ANKRD50: variants seen among roughly 807,000 people sequenced by gnomAD.
The protein encoded by ANKRD50 is ankyrin repeat domain 50, also known as ankyrin repeat domain-containing protein 50.
ANKRD50 carries 40 observed loss-of-function variants against 112.0 expected under a neutral mutation model. That is an observed-to-expected ratio of 0.36 (90% CI 0.28 to 0.46). The LOEUF is 0.46. Among genes scored for constraint, ANKRD50 ranks in the 20% least tolerant of loss-of-function variants. The pLI, the probability that ANKRD50 is intolerant of heterozygous loss-of-function variation, is 1.00. For missense variants in ANKRD50, 1,487 were observed against 1,701.7 expected (o/e 0.87, Z 2.22); for synonymous variants, 613 against 619.1 (o/e 0.99, Z 0.15).
In ANKRD50 at chr4:124,681,145, T is replaced by A. The variant is rs545205535; in HGVS notation, c.513-2240A>T. 1.3e-4 allele frequency among the ~76,000 whole-genome samples: 19 copies of A among 151,948 alleles called. No homozygotes were observed. In the South Asian group the frequency reaches 3.9e-3, roughly 32 times the overall value. ...GAGATATGAGGCCAATGCTTAGAAC[T>A]TAGAAAAAAAAATCTCCATCCAGAA... is the stretch of plus-strand genomic sequence containing the variant. On this transcript the variant is annotated intron_variant, in intron 2 of 4. Coordinates refer to ENST00000504087, the MANE Select transcript of ANKRD50 (RefSeq NM_020337.3).
At chr4:124,701,439 ATTC>A (rs1725388217) in intron 2 of ANKRD50, among the ~76,000 whole-genome samples, 1 of 152,228 alleles carries the variant, frequency 6.6e-6, no homozygotes, top group Admixed American at 6.5e-5. Context: ...GGAATATGTA[ATTC>A]TTCTTAATAC....
At chr4:124,689,449 G>A (rs1725082315) in intron 2 of ANKRD50, among the ~76,000 whole-genome samples, 1 of 152,186 alleles carries the variant, frequency 6.6e-6, no homozygotes, top group African/African-American at 2.4e-5. Flanking sequence ...ATGTCTGTGA[G>A]GGTGTTTCTG....
chr4:124,700,182 C>T (rs1013693438), intron 2 of ANKRD50, among the ~76,000 whole-genome samples: 1 of 152,100 alleles, frequency 6.6e-6, no homozygotes, highest in Non-Finnish European at 1.5e-5. Context: ...GGGCAAATAG[C>T]CATACAAAAA....
chr4:124,677,520 T>G, intron 3 of ANKRD50, among the ~76,000 whole-genome samples: 1 of 151,858 alleles, frequency 6.6e-6, no homozygotes, highest in East Asian at 1.9e-4. Context: ...GAGAATCAAA[T>G]AATAATAGCA....
Position 124,665,255 on chromosome 4 carries a change from G to A in ANKRD50, c.*2263C>T, listed in dbSNP as rs549574516. On this transcript the variant is annotated 3_prime_UTR_variant, in exon 5 of 5. Transcript: ENST00000504087. Reference sequence around the variant, plus strand: ...AACATAATTTATATAAAAACATCCCGAGGAATACTTACTTTTGAAAATCGT... The same window carrying A: ...AACATAATTTATATAAAAACATCCCAAGGAATACTTACTTTTGAAAATCGT... The A allele has an allele frequency of 6.6e-6, 1 of 152,156 alleles. No individual in the cohort carries two copies. Among genetic ancestry groups the A allele is most frequent in the East Asian group, 1.9e-4 (1 of 5,166 alleles). The allele number at this position is 152,156 out of a possible 1,614,324, so 9.4% of individuals were successfully genotyped here.
At position 124,683,081 on chromosome 4, in the gene ANKRD50, CACAT is replaced by C. The variant is rs751370605; in HGVS notation, c.513-4180_513-4177del. ...ACACACATACATACATATATACACA[CACAT>C]AATGTATATATATACCCATATATGT... On this transcript the variant is annotated intron_variant, in intron 2 of 4. Coordinates refer to ENST00000504087, the MANE Select transcript of ANKRD50 (RefSeq NM_020337.3). Among the ~76,000 whole-genome samples the C allele has an allele frequency of 7.9e-5, 12 of 151,636 alleles. No homozygotes were observed. The East Asian group carries it at 1.9e-3, about 24-fold the overall frequency.
chr4:124,681,970 T>C (rs1215409637), intron 2 of ANKRD50, among the ~76,000 whole-genome samples: 1 of 152,190 alleles, frequency 6.6e-6, no homozygotes, highest in Non-Finnish European at 1.5e-5. Context: ...TCAGATAACA[T>C]GTTTTGTGTA....
intron 2 of ANKRD50, among the ~76,000 whole-genome samples, chr4:124,708,691 TACACACACACACAC>T (rs10558584): frequency 6.9e-6 from 1 of 145,580 alleles, no homozygotes; most frequent in Non-Finnish European, 1.5e-5. Flanking sequence ...TACTAACACA[TACACACACACACAC>T]ACACACACAC....
intron 1 of ANKRD50, among the ~76,000 whole-genome samples, chr4:124,711,514 T>G (rs947607623): frequency 1.3e-5 from 2 of 152,156 alleles, no homozygotes; most frequent in African/African-American, 4.8e-5. Context: ...TACCCAAGAT[T>G]TTTGCAACTT....
intron 2 of ANKRD50, among the ~76,000 whole-genome samples, chr4:124,701,880 A>C (rs1725400898): frequency 1.3e-5 from 2 of 152,180 alleles, no homozygotes; most frequent in African/African-American, 4.8e-5. Context: ...AAACCATTTT[A>C]CTTCACAAAA....
chr4:124,698,876 A>G (rs2036204), intron 2 of ANKRD50, among the ~76,000 whole-genome samples: 38,331 of 151,814 alleles, frequency 0.25, 5,177 homozygotes, highest in African/African-American at 0.36. Context: ...ATTTTTTTCA[A>G]TTTTTCTTAA....
rs780389716 is a variant in ANKRD50, at chr4:124,671,687, T to C, written c.1590A>G (p.Thr530=). The C allele has an allele frequency of 2.5e-6, 4 of 1,613,764 alleles. No individual in the cohort carries two copies. The South Asian group carries it at 3.3e-5, about 13-fold the overall frequency. The change falls in exon 4 of 5, where the codon ACA becomes ACG. Residue 530 remains threonine, a synonymous_variant. Transcript: ENST00000504087. Reference sequence around the variant, plus strand: ...TTACTGAAGCTCCATTATCTAATAATGTCCGAATGGAATCCTCTCTTTCTA... The same window carrying C: ...TTACTGAAGCTCCATTATCTAATAACGTCCGAATGGAATCCTCTCTTTCTA... ...QALEREDSIR[T]LLDNGASVNQ...
chr4:124,696,854 T>C (rs1725265067), intron 2 of ANKRD50, among the ~76,000 whole-genome samples: 1 of 152,198 alleles, frequency 6.6e-6, no homozygotes, highest in African/African-American at 2.4e-5. Flanking sequence ...AACACATTGA[T>C]AGATATAACT....
intron 2 of ANKRD50, among the ~76,000 whole-genome samples, chr4:124,691,498 CAA>C (rs71583369): frequency 0.014 from 826 of 59,534 alleles, 1 homozygote; most frequent in African/African-American, 0.058. Flanking sequence ...GACTCCGTCT[CAA>C]AAAAAAAAAA....
At chr4:124,707,458 T>C (rs1198065704) in intron 2 of ANKRD50, among the ~76,000 whole-genome samples, 6 of 152,112 alleles carry the variant, frequency 3.9e-5, no homozygotes, top group African/African-American at 4.8e-5. Context: ...CTTTGAATTG[T>C]GCTCTCAGGT....
chr4:124,681,536 T>G (rs1724887150), intron 2 of ANKRD50, among the ~76,000 whole-genome samples: 1 of 152,106 alleles, frequency 6.6e-6, no homozygotes, highest in Admixed American at 6.5e-5. Flanking sequence ...GTCAACCTAG[T>G]CTCCACTCTT....
intron 2 of ANKRD50, among the ~76,000 whole-genome samples, chr4:124,690,656 G>C (rs112604062): frequency 1.3e-5 from 2 of 152,110 alleles, no homozygotes; most frequent in Admixed American, 6.5e-5. Context: ...ACCATGCATG[G>C]TTTACTACAA....
chr4:124,695,058 A>G (rs1221581072), intron 2 of ANKRD50, among the ~76,000 whole-genome samples: 5 of 152,198 alleles, frequency 3.3e-5, no homozygotes, highest in African/African-American at 1.2e-4. Context: ...ACAAAGGTAC[A>G]TATCCAATAA....
chr4:124,674,755 G>A (rs1162216172), intron 3 of ANKRD50, among the ~76,000 whole-genome samples: 1 of 151,638 alleles, frequency 6.6e-6, no homozygotes, highest in African/African-American at 2.4e-5. Context: ...AACTTACAGA[G>A]AATTTATAAT....
Sources: allele counts gnomAD v4.1 joint callset (sites outside exome capture counted in the v4.1 genomes callset), GRCh38; gene constraint gnomAD v4.1.1; transcripts MANE v1.5; gene names NCBI Gene and HGNC (gene_info 2026-07-23, HGNC 2026-07-21).